Variants in IRAG2 observed in about 807,000 individuals in gnomAD.
IRAG2 encodes the protein lymphoid restricted membrane protein.
A neutral mutation model predicts 69.9 loss-of-function variants in IRAG2; 45 were observed. That is an observed-to-expected ratio of 0.64 (90% CI 0.51 to 0.83). IRAG2 has a LOEUF of 0.83. IRAG2 is among the 40% of genes least tolerant of loss of function. The pLI is 0.00. For missense variants in IRAG2, 520 were observed against 587.0 expected (o/e 0.89, Z 1.18); for synonymous variants, 193 against 202.4 (o/e 0.95, Z 0.40).
upstream of IRAG2, among the ~76,000 whole-genome samples, chr12:25,049,826 C>CA (rs1245396265): frequency 7.9e-5 from 12 of 151,310 alleles, no homozygotes; most frequent in East Asian, 2.2e-3. Flanking sequence ...ACTAAAAATA[C>CA]AAAAAAATTA....
At chr12:25,106,855 G>C in intron 20 of IRAG2, 88 bp from the exon 21 acceptor site, 1 of 481,666 alleles carries the variant, frequency 2.1e-6, no homozygotes, top group East Asian at 3.6e-5. Context: ...TGAGCCTCTT[G>C]AGTTACAGTA....
intron 6 of IRAG2, among the ~76,000 whole-genome samples, chr12:25,076,958 C>T (rs959774410): frequency 1.3e-5 from 2 of 151,014 alleles, no homozygotes; most frequent in Non-Finnish European, 2.9e-5. Context: ...TCACTGCAAC[C>T]TTAACCACCT....
At chr12:25,084,477 C>T (rs1485326731) in intron 10 of IRAG2, among the ~76,000 whole-genome samples, 1 of 151,946 alleles carries the variant, frequency 6.6e-6, no homozygotes, top group Non-Finnish European at 1.5e-5. Context: ...GGTCTAATTT[C>T]ATGATTCTTC....
intron 6 of IRAG2, among the ~76,000 whole-genome samples, chr12:25,070,717 CA>C (rs946706129): frequency 6.6e-6 from 1 of 152,194 alleles, no homozygotes; most frequent in Non-Finnish European, 1.5e-5. Context: ...AACTGCAAAA[CA>C]GACTTCGAGG....
intron 2 of IRAG2, among the ~76,000 whole-genome samples, chr12:25,061,871 T>C (rs1945656274): frequency 6.6e-6 from 1 of 152,208 alleles, no homozygotes; most frequent in Admixed American, 6.5e-5. Context: ...ACTGATAATA[T>C]CTTCTAGAGA....
At chr12:25,082,609 A>C (rs76538480) in intron 9 of IRAG2, among the ~76,000 whole-genome samples, 11 of 150,654 alleles carry the variant, frequency 7.3e-5, no homozygotes, top group African/African-American at 7.3e-5. Flanking sequence ...CAAAAAAAAA[A>C]CAAAAAACAA....
chr12:25,079,209 T>C (rs1024820060), intron 6 of IRAG2, 35 bp from the exon 7 acceptor site: 6 of 1,610,916 alleles, frequency 3.7e-6, no homozygotes, highest in Non-Finnish European at 3.4e-6. Flanking sequence ...AAATGTCAAA[T>C]TGTTGAACTT....
At chr12:25,036,954 T>C (rs1432511132) in intron 15 of IRAG2, among the ~76,000 whole-genome samples, 1 of 152,198 alleles carries the variant, frequency 6.6e-6, no homozygotes, top group Admixed American at 6.5e-5. Flanking sequence ...TTTATCTCCT[T>C]GTAAGAATTG....
intron 3 of IRAG2, among the ~76,000 whole-genome samples, chr12:25,012,246 C>T (rs1175408440): frequency 6.6e-6 from 1 of 150,534 alleles, no homozygotes; most frequent in African/African-American, 2.4e-5. Context: ...CCGCTGCCTC[C>T]CGGGTTCAAG....
At chr12:25,076,752 A>G (rs947321551) in intron 6 of IRAG2, 1 of 264,098 alleles carries the variant, frequency 3.8e-6, no homozygotes, top group South Asian at 1.5e-4. Flanking sequence ...GTGTTAGGAT[A>G]TTATACTTTA....
rs1444622325 is a variant in IRAG2, at chr12:25,062,909, G to A, written c.-304+9G>A. ...CTCTTCAAGAAAAATTGGTAATTGC[G>A]AGCTTTTTGAAATTATTTAGGTAGT... On this transcript the variant is annotated intron_variant, in intron 3 of 21. Transcript: ENST00000556887. 1.5e-5 allele frequency: 6 copies of A among 398,800 alleles called. No individual in the cohort carries two copies. Among genetic ancestry groups the A allele is most frequent in the East Asian group, 3.6e-5 (1 of 28,076 alleles). 24.7% of individuals were successfully genotyped at this position (398,800 alleles called of 1,614,324 possible).
exon 6 of IRAG2, chr12:25,017,261 G>A: frequency 2.4e-6 from 3 of 1,232,142 alleles, no homozygotes; most frequent in Non-Finnish European, 3.0e-6. Context: ...GTTATCAGAG[G>A]ACTGTACCGA....
At chr12:25,071,295 G>A (rs905919796) in intron 6 of IRAG2, among the ~76,000 whole-genome samples, 16 of 151,978 alleles carry the variant, frequency 1.1e-4, no homozygotes, top group African/African-American at 3.6e-4. Flanking sequence ...GCAGTGAGCC[G>A]AGATTGCGCC....
chr12:25,104,163 C>T, intron 19 of IRAG2, 105 bp downstream of exon 19: 2 of 1,015,248 alleles, frequency 2.0e-6, no homozygotes, highest in South Asian at 1.5e-5. Flanking sequence ...TTGATTTGTA[C>T]AAAGTGTAAA....
At position 25,074,384 on chromosome 12, in the gene IRAG2, C is replaced by G. The variant is rs536184498; in HGVS notation, c.25-4860C>G. 9.2e-5 allele frequency among the ~76,000 whole-genome samples: 14 copies of G among 152,126 alleles called. No individual in the cohort carries two copies. The South Asian group carries it at 2.9e-3, about 32-fold the overall frequency. On this transcript the variant is annotated intron_variant, in intron 6 of 21. Transcript: ENST00000556887. ...TCCAGTGAGTTCCAGAGGTGAATAC[C>G]AAATATATCCCCATGTTCTTCAGGC...
At chr12:25,052,565 ACT>A (rs1321766815), upstream of IRAG2, 1 of 397,078 alleles carries the variant, frequency 2.5e-6, no homozygotes, top group Non-Finnish European at 4.4e-6. Flanking sequence ...GAAAGAGGCG[ACT>A]CTGCAGAAAG....
chr12:25,000,395 C>T (rs759067850), upstream of IRAG2, among the ~76,000 whole-genome samples: 3 of 152,104 alleles, frequency 2.0e-5, no homozygotes, highest in African/African-American at 2.4e-5. Context: ...TCCAGTGAGC[C>T]GAGATTGTGC....
At chr12:25,083,292 T>A in intron 9 of IRAG2, 131 bp from the exon 10 acceptor site, 2 of 732,860 alleles carry the variant, frequency 2.7e-6, no homozygotes, top group South Asian at 3.0e-5. Flanking sequence ...TTTTTTGTAG[T>A]TCATAATTTG....
chr12:25,026,114 G>T (rs1027359978), intron 8 of IRAG2, among the ~76,000 whole-genome samples: 3 of 152,148 alleles, frequency 2.0e-5, no homozygotes, highest in African/African-American at 7.2e-5. Context: ...AAAAACAGGT[G>T]GTCAGCTAGA....
Sources: allele counts gnomAD v4.1 joint callset (sites outside exome capture counted in the v4.1 genomes callset), GRCh38; gene constraint gnomAD v4.1.1; transcripts MANE v1.5; gene names NCBI Gene and HGNC (gene_info 2026-07-23, HGNC 2026-07-21).